Variants in SMAD5 observed in about 807,000 individuals in gnomAD.
The protein encoded by SMAD5 is SMAD family member 5.
A neutral mutation model predicts 43.1 loss-of-function variants in SMAD5; 9 were observed. That is an observed-to-expected ratio of 0.21 (90% CI 0.13 to 0.36). The LOEUF is 0.36. Among genes scored for constraint, SMAD5 ranks in the 10% least tolerant of loss-of-function variants. SMAD5 has a pLI of 1.00. For missense variants in SMAD5, 348 were observed against 574.0 expected (o/e 0.61, Z 4.02); for synonymous variants, 190 against 192.4 (o/e 0.99, Z 0.10).
chr5:136,142,689 T>G (rs542537618), intron 1 of SMAD5, among the ~76,000 whole-genome samples: 1 of 152,258 alleles, frequency 6.6e-6, no homozygotes, highest in East Asian at 1.9e-4. Flanking sequence ...TCCCTCCAGT[T>G]TCTAGTGTAA....
intron 5 of SMAD5, among the ~76,000 whole-genome samples, chr5:136,169,702 CT>C (rs1157968401): frequency 5.9e-5 from 9 of 152,306 alleles, no homozygotes; most frequent in African/African-American, 1.7e-4. Context: ...GCCAAAGTGC[CT>C]TCTAAAATGG....
chr5:136,153,621 A>G lies in SMAD5; in HGVS notation c.-140A>G. 1 of 651,820 alleles carries G rather than the reference A, an allele frequency of 1.5e-6. No homozygotes were observed. 40.4% of individuals were successfully genotyped at this position (651,820 alleles called of 1,614,324 possible). A position where few individuals can be genotyped will look rare whatever the true frequency, so the allele number is the denominator to read the frequency against. On this transcript the variant is annotated 5_prime_UTR_variant, in exon 3 of 8. Coordinates refer to ENST00000545279, the MANE Select transcript of SMAD5 (RefSeq NM_005903.7). ...TGACCCAATGAAAGAAGCATATGGC[A>G]CTTGTGAAGATAAATGTTACTCCTC...
At chr5:136,148,571 CT>C (rs1189707056) in intron 2 of SMAD5, among the ~76,000 whole-genome samples, 2 of 151,774 alleles carry the variant, frequency 1.3e-5, no homozygotes, top group Non-Finnish European at 2.9e-5. Flanking sequence ...CCCCATGGGT[CT>C]TGGGGACAAA....
intron 5 of SMAD5, 46 bp downstream of exon 5, chr5:136,163,437 T>C (rs750369466): frequency 2.0e-6 from 3 of 1,475,580 alleles, no homozygotes; most frequent in Non-Finnish European, 2.7e-6. Context: ...GTAGTTGTTT[T>C]TAACTTATTG....
rs547201119 is a variant in SMAD5, at chr5:136,182,301, A to G, written c.*4821A>G. ...TATCATTGAAGATGATGTTGCATTG[A>G]TTTATTCATAAAGTATTTTAACTAT... On this transcript the variant is annotated 3_prime_UTR_variant, in exon 8 of 8. Coordinates refer to ENST00000545279, the MANE Select transcript of SMAD5 (RefSeq NM_005903.7). 7.9e-5 allele frequency: 12 copies of G among 151,824 alleles called. No homozygotes were observed. The highest frequency in any genetic ancestry group is 2.9e-4 in the African/African-American group (12 of 41,436). 9.4% of individuals were successfully genotyped at this position (151,824 alleles called of 1,614,324 possible).
intron 5 of SMAD5, among the ~76,000 whole-genome samples, chr5:136,168,921 G>T (rs1754118452): frequency 2.0e-5 from 3 of 151,972 alleles, no homozygotes. Context: ...CTCTATTAGG[G>T]TTCTCTAGAG....
At chr5:136,158,299 A>G (rs1431890779) in intron 3 of SMAD5, among the ~76,000 whole-genome samples, 1 of 152,284 alleles carries the variant, frequency 6.6e-6, no homozygotes, top group South Asian at 2.1e-4. Context: ...CCAGAAAAGA[A>G]AGACAGGAAA....
chr5:136,174,532 A>G lies in SMAD5; in HGVS notation c.1154A>G (p.Asn385Ser), dbSNP rs367787017. The G allele has an allele frequency of 1.2e-6, 2 of 1,613,788 alleles. No homozygotes were observed. Among genetic ancestry groups the G allele is most frequent in the African/African-American group, 1.3e-5 (1 of 75,024 alleles). ...AGCTGCAGCCTCAAAATTTTTAACA[A>G]TCAGGAGTTTGCTCAGCTTCTGGCT... is the stretch of plus-strand genomic sequence containing the variant. ...PSSCSLKIFNNQEFAQLLAQS... is the reference protein window; with the variant it reads ...PSSCSLKIFNSQEFAQLLAQS... The change falls in exon 7 of 8, where the codon AAT (asparagine) becomes AGT (serine). Residue 385 changes from asparagine to serine, a missense_variant. By Grantham distance (46) the Asn-to-Ser change is conservative. Transcript: ENST00000545279.
chr5:136,164,843 GTTT>G (rs1277842162), intron 5 of SMAD5, among the ~76,000 whole-genome samples: 3 of 152,248 alleles, frequency 2.0e-5, no homozygotes, highest in African/African-American at 7.2e-5. Flanking sequence ...AAGTTCTATA[GTTT>G]TAGCTCTTAT....
chr5:136,134,491 C>T (rs1752807018), intron 1 of SMAD5: 2 of 152,236 alleles, frequency 1.3e-5, no homozygotes, highest in South Asian at 4.1e-4. Flanking sequence ...ACAGTACCTA[C>T]ATTCAGTGTG....
chr5:136,177,263 C>A, intron 7 of SMAD5, 74 bp from the exon 8 acceptor site: 1 of 1,312,884 alleles, frequency 7.6e-7, no homozygotes, highest in Admixed American at 1.8e-5. Context: ...CTATCTTTTT[C>A]TTATGGTAAA....
chr5:136,140,256 C>T (rs191581237), intron 1 of SMAD5, among the ~76,000 whole-genome samples: 180 of 152,244 alleles, frequency 1.2e-3, no homozygotes, highest in Admixed American at 3.1e-3. Flanking sequence ...CTCCTGACCT[C>T]AGGTAATTTG....
chr5:136,135,583 C>A (rs753582322), intron 1 of SMAD5, among the ~76,000 whole-genome samples: 27 of 152,034 alleles, frequency 1.8e-4, no homozygotes, highest in Non-Finnish European at 1.2e-4. Flanking sequence ...AGTTGAAATA[C>A]CATCTAAAAA....
intron 3 of SMAD5, among the ~76,000 whole-genome samples, chr5:136,158,257 T>C (rs1753706674): frequency 6.6e-6 from 1 of 151,656 alleles, no homozygotes; most frequent in African/African-American, 2.4e-5. Context: ...TTTTTGTATA[T>C]CATAGATTAA....
At chr5:136,160,195 G>A (rs569568204) in intron 3 of SMAD5, among the ~76,000 whole-genome samples, 2 of 152,248 alleles carry the variant, frequency 1.3e-5, no homozygotes, top group South Asian at 4.1e-4. Flanking sequence ...TGATTGGAAG[G>A]CTTTTACCTA....
At chr5:136,147,526 G>A (rs1753299949) in intron 1 of SMAD5, 1 of 151,836 alleles carries the variant, frequency 6.6e-6, no homozygotes, top group South Asian at 2.1e-4. Context: ...CTGTACAGTG[G>A]TTTGGAATAT....
intron 5 of SMAD5, among the ~76,000 whole-genome samples, chr5:136,169,353 C>T (rs1450106774): frequency 1.3e-5 from 2 of 152,198 alleles, no homozygotes; most frequent in African/African-American, 4.8e-5. Context: ...CCTGCCTCTC[C>T]CAGTCCACTG....
chr5:136,174,360 T>A lies in SMAD5; in HGVS notation c.998-16T>A, dbSNP rs1490123339. 1 of 1,608,344 alleles carries A rather than the reference T, an allele frequency of 6.2e-7. No homozygotes were observed. Among genetic ancestry groups the A allele is most frequent in the Non-Finnish European group, 8.5e-7 (1 of 1,174,980 alleles). On this transcript the variant is annotated splice_polypyrimidine_tract_variant and intron_variant, in intron 6 of 7. Transcript: ENST00000545279. ...TGATTCTTTTAGCTGACTCTTGTGA[T>A]GTTTGTCTTTTTAAGGTGTTCATCT...
rs574509930 is a variant in SMAD5 at position 136,137,426 on chromosome 5, A to G, written c.-245+4464A>G. Among the ~76,000 whole-genome samples, 19 of 152,312 alleles carry G rather than the reference A, an allele frequency of 1.2e-4. No homozygotes were observed. In the Middle Eastern group the frequency reaches 0.014, roughly 109 times the overall value. Reference sequence around the variant, plus strand: ...GTTATACCGAAAATAATAGAAAAAAACTAGTGTCCCATTCCCACTTTTTCT... The same window carrying G: ...GTTATACCGAAAATAATAGAAAAAAGCTAGTGTCCCATTCCCACTTTTTCT... On this transcript the variant is annotated intron_variant, in intron 1 of 7. Coordinates refer to ENST00000545279, the MANE Select transcript of SMAD5 (RefSeq NM_005903.7).
Sources: gnomAD v4.1 joint callset for allele counts (sites outside exome capture counted in the v4.1 genomes callset) on GRCh38, gnomAD v4.1.1 for gene constraint, MANE v1.5 for transcripts, NCBI Gene and HGNC (gene_info 2026-07-23, HGNC 2026-07-21) for gene names.